ZFR2: variants seen among roughly 807,000 people sequenced by gnomAD.
The protein encoded by ZFR2 is zinc finger RNA-binding protein 2.
A neutral mutation model predicts 105.7 loss-of-function variants in ZFR2; 104 were observed. That is an observed-to-expected ratio of 0.98 (90% CI 0.84 to 1.16). ZFR2 has a LOEUF of 1.16. Ranked by LOEUF, ZFR2 falls within the 50% of genes most tolerant of loss-of-function variation. ZFR2 has a pLI of 0.00. For missense variants in ZFR2, 1,425 were observed against 1,355.5 expected (o/e 1.05, Z -0.80); for synonymous variants, 634 against 597.7 (o/e 1.06, Z -0.89).
At chr19:3,857,245 G>A (rs1186853368) in intron 1 of ZFR2, among the ~76,000 whole-genome samples, 2 of 151,640 alleles carry the variant, frequency 1.3e-5, no homozygotes, top group African/African-American at 4.8e-5. Context: ...ACCCCACCAC[G>A]CCCAGCGGAA....
At chr19:3,846,324 C>G (rs2145176525) in intron 1 of ZFR2, among the ~76,000 whole-genome samples, 1 of 152,294 alleles carries the variant, frequency 6.6e-6, no homozygotes, top group Non-Finnish European at 1.5e-5. Flanking sequence ...TCCACAGAGG[C>G]AGAACCCATG....
chr19:3,812,530 C>T (rs572020145), intron 14 of ZFR2, among the ~76,000 whole-genome samples: 13 of 152,140 alleles, frequency 8.5e-5, no homozygotes, highest in East Asian at 1.9e-4. Flanking sequence ...GAAGGATTTC[C>T]GCTCACTTCA....
At chr19:3,828,011 G>A (rs547329147) in intron 5 of ZFR2, among the ~76,000 whole-genome samples, 1 of 151,848 alleles carries the variant, frequency 6.6e-6, no homozygotes, top group South Asian at 2.1e-4. Context: ...AGTAGAGACG[G>A]GGTTTCACTC....
chr19:3,827,546 A>G lies in ZFR2; in HGVS notation c.960T>C (p.His320=). 1.3e-6 allele frequency: 2 copies of G among 1,562,280 alleles called. No homozygotes were observed. The highest frequency in any genetic ancestry group is 1.4e-5 in the African/African-American group (1 of 73,606). The part of the protein sequence containing the change: ...GSPRGVQAQL[H]CDLCAVSCTG... ...TGCAGGACACGGCGCACAGGTCGCA[A>G]TGCAGCTGCGCCTGCACCCCGCGCG... The change falls in exon 6 of 19, where the codon CAT becomes CAC. Residue 320 remains histidine, a synonymous_variant. Coordinates refer to ENST00000262961, the MANE Select transcript of ZFR2 (RefSeq NM_015174.2).
intron 16 of ZFR2, 22 bp downstream of exon 16, chr19:3,810,728 G>T: frequency 1.3e-6 from 2 of 1,543,808 alleles, no homozygotes; most frequent in Non-Finnish European, 8.7e-7. Flanking sequence ...GTGGAGGGCC[G>T]GGCCGCCAGG....
Position 3,831,519 on chromosome 19 carries a change from G to A in ZFR2, c.636C>T (p.Ser212=), listed in dbSNP as rs1012865385. Reference sequence around the variant, plus strand: ...CTGGAGGATAGAAAGGGCTGGCAGCGGAGTACACCGACGCGTCATAGTTCG... The same window carrying A: ...CTGGAGGATAGAAAGGGCTGGCAGCAGAGTACACCGACGCGTCATAGTTCG... ...SYPNYDASVY[S]AASPFYPPAQ... Residue 212 remains serine (S), a synonymous_variant, in exon 5 of 19, where the codon TCC becomes TCT. Coordinates refer to ENST00000262961, the MANE Select transcript of ZFR2 (RefSeq NM_015174.2). The A allele has an allele frequency of 7.7e-6, 12 of 1,558,218 alleles. 1 individual carries two copies. Among genetic ancestry groups the A allele is most frequent in the Middle Eastern group, 3.3e-4 (2 of 6,010 alleles).
chr19:3,821,307 C>T (rs570365050), intron 10 of ZFR2, 33 bp downstream of exon 10: 2 of 1,540,878 alleles, frequency 1.3e-6, no homozygotes, highest in East Asian at 4.7e-5. Flanking sequence ...CCTCCCTCAC[C>T]AGGCCCCCTT....
intron 13 of ZFR2, among the ~76,000 whole-genome samples, chr19:3,814,739 G>T (rs1431527702): frequency 1.3e-5 from 2 of 152,230 alleles, no homozygotes; most frequent in Non-Finnish European, 2.9e-5. Context: ...GGAAATGTGA[G>T]ATGCAATTAT....
At chr19:3,826,156 G>A (rs760966861) in intron 6 of ZFR2, among the ~76,000 whole-genome samples, 48 of 151,948 alleles carry the variant, frequency 3.2e-4, no homozygotes, top group Non-Finnish European at 5.9e-4. Flanking sequence ...TCCTTCCCCC[G>A]TTTCTCTGCC....
intron 1 of ZFR2, among the ~76,000 whole-genome samples, chr19:3,836,497 A>T (rs904393419): frequency 2.6e-5 from 4 of 152,172 alleles, no homozygotes; most frequent in African/African-American, 9.7e-5. Context: ...TCTTTAAAAA[A>T]TTTTGGTAGA....
chr19:3,820,347 G>A (rs1019181069), intron 10 of ZFR2, 57 bp from the exon 11 acceptor site: 1 of 1,476,380 alleles, frequency 6.8e-7, no homozygotes, highest in South Asian at 1.3e-5. Context: ...CTAAGCTGGG[G>A]GCAAGTCAGA....
chr19:3,809,847 G>A (rs746236957), intron 16 of ZFR2, among the ~76,000 whole-genome samples: 10 of 152,270 alleles, frequency 6.6e-5, no homozygotes, highest in South Asian at 2.1e-4. Context: ...GGGAGGCTGA[G>A]GCAGGAGAAT....
chr19:3,856,660 A>C (rs2038305483), intron 1 of ZFR2, among the ~76,000 whole-genome samples: 1 of 152,172 alleles, frequency 6.6e-6, no homozygotes, highest in Non-Finnish European at 1.5e-5. Flanking sequence ...TGGTGTGATG[A>C]TTAAACAAGA....
At chr19:3,840,695 T>A (rs2038125573) in intron 1 of ZFR2, among the ~76,000 whole-genome samples, 1 of 151,978 alleles carries the variant, frequency 6.6e-6, no homozygotes, top group Non-Finnish European at 1.5e-5. Context: ...CACACAAGGC[T>A]AATTTTGTTT....
Position 3,807,696 on chromosome 19 carries a change from C to T in ZFR2, c.2546-427G>A, listed in dbSNP as rs568218753. Among the ~76,000 whole-genome samples the T allele has an allele frequency of 1.0e-4, 15 of 149,966 alleles. No homozygotes were observed. In the South Asian group the frequency reaches 3.2e-3, roughly 32 times the overall value. On this transcript the variant is annotated intron_variant, in intron 17 of 18. Coordinates refer to ENST00000262961, the MANE Select transcript of ZFR2 (RefSeq NM_015174.2). ...GTCGGTGTGTGCTTGTGCATGCACCCATGTGTGTCCATGCATGCACGGTGT... is the reference window on the plus strand; with the variant it reads ...GTCGGTGTGTGCTTGTGCATGCACCTATGTGTGTCCATGCATGCACGGTGT...
At chr19:3,829,597 T>G (rs2037989876) in intron 5 of ZFR2, among the ~76,000 whole-genome samples, 1 of 152,054 alleles carries the variant, frequency 6.6e-6, no homozygotes, top group South Asian at 2.1e-4. Flanking sequence ...ACTGCAGCCT[T>G]GGACTCCTGG....
At chr19:3,852,308 G>A in intron 1 of ZFR2, 3 of 617,978 alleles carry the variant, frequency 4.9e-6, no homozygotes, top group Non-Finnish European at 2.9e-6. Flanking sequence ...CAGCTGGGTG[G>A]CAATCCTGGT....
intron 13 of ZFR2, 146 bp from the exon 14 acceptor site, chr19:3,814,104 C>T (rs978758522): frequency 8.1e-7 from 1 of 1,229,954 alleles, no homozygotes; most frequent in African/African-American, 1.5e-5. Flanking sequence ...TGCCCTGTGT[C>T]TGGAACCTCC....
chr19:3,809,267 G>A (rs985594381), intron 16 of ZFR2, among the ~76,000 whole-genome samples: 5 of 152,126 alleles, frequency 3.3e-5, no homozygotes, highest in Admixed American at 1.3e-4. Flanking sequence ...CTGCTTCCCC[G>A]GTTCAAGCGA....
Sources: allele counts gnomAD v4.1 joint callset (sites outside exome capture counted in the v4.1 genomes callset), GRCh38; gene constraint gnomAD v4.1.1; transcripts MANE v1.5; gene names NCBI Gene and HGNC (gene_info 2026-07-23, HGNC 2026-07-21).